Variants in C9orf153 observed in about 807,000 individuals in gnomAD.
The protein encoded by C9orf153 is chromosome 9 open reading frame 153, also known as uncharacterized protein C9orf153.
C9orf153 carries 10 observed loss-of-function variants against 9.0 expected under a neutral mutation model. The ratio of observed to expected loss-of-function variants is 1.11; its 90% CI spans 0.69 to 1.89. C9orf153 has a LOEUF of 1.89. Ranked by LOEUF, C9orf153 falls within the 40% of genes most tolerant of loss-of-function variation. The pLI, the probability that C9orf153 is intolerant of heterozygous loss-of-function variation, is 0.00. For synonymous variants in C9orf153, 35 were observed against 37.3 expected, an observed-to-expected ratio of 0.94 and a Z score of 0.23; for missense variants, 108 against 111.0, an observed-to-expected ratio of 0.97 and a Z score of 0.12.
intron 1 of C9orf153, among the ~76,000 whole-genome samples, chr9:86,253,942 T>G (rs1174519704): frequency 6.6e-6 from 1 of 151,944 alleles, no homozygotes; most frequent in East Asian, 1.9e-4. Context: ...ATACAAAAAG[T>G]TAGCTGGGCA....
At chr9:86,245,176 C>T (rs566644907) in intron 1 of C9orf153, among the ~76,000 whole-genome samples, 5 of 152,242 alleles carry the variant, frequency 3.3e-5, no homozygotes, top group Non-Finnish European at 5.9e-5. Context: ...ATCCACCCAC[C>T]TCGGCCTCCC....
Position 86,221,339 on chromosome 9 carries a change from T to C in C9orf153, c.*349A>G, listed in dbSNP as rs1824198354. 4.8e-6 allele frequency: 1 copy of C among 206,622 alleles called. No individual in the cohort carries two copies. Among genetic ancestry groups the C allele is most frequent in the Admixed American group, 6.0e-5 (1 of 16,576 alleles). 12.8% of individuals were successfully genotyped at this position (206,622 alleles called of 1,614,324 possible). A position where few individuals can be genotyped will look rare whatever the true frequency, so the allele number is the denominator to read the frequency against. On this transcript the variant is annotated 3_prime_UTR_variant, in exon 4 of 4. Coordinates refer to ENST00000339137, the MANE Select transcript of C9orf153 (RefSeq NM_001276366.4). ...ACGTTAGCAGATTAAATCGGACCTT[T>C]TGCTCTGTATTAACGGCTTAATTTT...
intron 1 of C9orf153, 120 bp downstream of exon 1, chr9:86,259,430 C>G (rs1321837112): frequency 6.6e-6 from 1 of 152,458 alleles, no homozygotes; most frequent in Non-Finnish European, 1.5e-5. Flanking sequence ...CAGCTCTGGT[C>G]TTCCCACCTT....
chr9:86,226,111 C>A (rs111436810), intron 3 of C9orf153, among the ~76,000 whole-genome samples: 24 of 152,202 alleles, frequency 1.6e-4, no homozygotes, highest in African/African-American at 5.1e-4. Flanking sequence ...GTGTACTTTG[C>A]GAATTATCTA....
intron 1 of C9orf153, among the ~76,000 whole-genome samples, chr9:86,241,147 G>C (rs1032759444): frequency 2.6e-5 from 4 of 152,098 alleles, no homozygotes; most frequent in Non-Finnish European, 4.4e-5. Context: ...ACTAATGATG[G>C]AAAGTCCACC....
chr9:86,250,301 T>C (rs1824967505), intron 1 of C9orf153, among the ~76,000 whole-genome samples: 1 of 152,200 alleles, frequency 6.6e-6, no homozygotes, highest in African/African-American at 2.4e-5. Context: ...TTGTTTTCTT[T>C]GGCAAATCTG....
intron 1 of C9orf153, among the ~76,000 whole-genome samples, chr9:86,250,621 T>C (rs971932113): frequency 9.2e-5 from 14 of 152,256 alleles, no homozygotes; most frequent in Non-Finnish European, 2.1e-4. Flanking sequence ...TCCGTTTGTA[T>C]TTCAATAAGT....
intron 1 of C9orf153, among the ~76,000 whole-genome samples, chr9:86,232,619 C>A (rs1248827214): frequency 6.6e-6 from 1 of 152,144 alleles, no homozygotes. Flanking sequence ...TCACCCCCAA[C>A]TTTTCACCCT....
intron 1 of C9orf153, among the ~76,000 whole-genome samples, chr9:86,249,193 A>G (rs1489006674): frequency 2.0e-5 from 3 of 152,210 alleles, no homozygotes; most frequent in African/African-American, 4.8e-5. Flanking sequence ...TTGTGTGTTC[A>G]GTTTTCACAG....
chr9:86,228,139 C>A (rs111799383), intron 2 of C9orf153, 109 bp from the exon 3 acceptor site: 10,298 of 785,930 alleles, frequency 0.013, 89 homozygotes, highest in African/African-American at 0.021. Flanking sequence ...ACCATAAAGA[C>A]AAAAGCATTT....
chr9:86,243,159 T>C (rs1016945645), intron 1 of C9orf153, among the ~76,000 whole-genome samples: 3 of 152,168 alleles, frequency 2.0e-5, no homozygotes, highest in African/African-American at 7.2e-5. Context: ...TTAGTCTCTA[T>C]GGAAAGTGTC....
At chr9:86,245,791 T>C (rs1043718014) in intron 1 of C9orf153, among the ~76,000 whole-genome samples, 2 of 152,182 alleles carry the variant, frequency 1.3e-5, no homozygotes, top group Admixed American at 6.5e-5. Context: ...TTCTAATAAA[T>C]AGAATAGAAC....
chr9:86,248,521 T>C (rs1452080805), intron 1 of C9orf153, among the ~76,000 whole-genome samples: 1 of 152,194 alleles, frequency 6.6e-6, no homozygotes, highest in African/African-American at 2.4e-5. Flanking sequence ...TTTTCTAAAG[T>C]GAGACCATTT....
At chr9:86,251,902 C>A (rs1825001599) in intron 1 of C9orf153, among the ~76,000 whole-genome samples, 1 of 147,692 alleles carries the variant, frequency 6.8e-6, no homozygotes, top group Admixed American at 6.7e-5. Flanking sequence ...TTTTCTTTAG[C>A]TTTAGGTAAA....
intron 1 of C9orf153, chr9:86,258,754 T>C (rs573210318): frequency 4.9e-4 from 74 of 152,316 alleles, no homozygotes; most frequent in African/African-American, 1.7e-3. Flanking sequence ...ATTAATATAC[T>C]TAAATTTTAG....
intron 1 of C9orf153, among the ~76,000 whole-genome samples, chr9:86,244,300 T>C (rs1470974758): frequency 6.6e-6 from 1 of 152,178 alleles, no homozygotes; most frequent in Middle Eastern, 3.2e-3. Flanking sequence ...TCTCCAACTC[T>C]TGGCCTCACA....
At chr9:86,231,347 C>T (rs1483455017) in intron 1 of C9orf153, among the ~76,000 whole-genome samples, 1 of 152,044 alleles carries the variant, frequency 6.6e-6, no homozygotes, top group African/African-American at 2.4e-5. Context: ...TAATTTATTC[C>T]AGTGAAACCC....
intron 3 of C9orf153, among the ~76,000 whole-genome samples, chr9:86,225,833 G>A (rs1015040303): frequency 1.3e-5 from 2 of 152,108 alleles, no homozygotes; most frequent in African/African-American, 4.8e-5. Context: ...TTACCTCTGG[G>A]ATCTCAGGAA....
chr9:86,254,384 T>C (rs965065333), intron 1 of C9orf153, among the ~76,000 whole-genome samples: 2 of 152,210 alleles, frequency 1.3e-5, no homozygotes, highest in South Asian at 4.1e-4. Context: ...CTCTGCTCTT[T>C]ATTAGAGCTC....
Sources: gnomAD v4.1 joint callset for allele counts (sites outside exome capture counted in the v4.1 genomes callset) on GRCh38, gnomAD v4.1.1 for gene constraint, MANE v1.5 for transcripts, NCBI Gene and HGNC (gene_info 2026-07-23, HGNC 2026-07-21) for gene names.